The following PCDH15 variants were observed in gnomAD, a reference collection of about 807,000 sequenced individuals.
PCDH15 encodes the protein protocadherin-15.
PCDH15 carries 129 observed loss-of-function variants against 178.5 expected under a neutral mutation model. The ratio of observed to expected loss-of-function variants is 0.72; its 90% confidence interval spans 0.63 to 0.84. The LOEUF is 0.84. Among genes scored for constraint, PCDH15 ranks in the 40% least tolerant of loss-of-function variants. The probability of loss-of-function intolerance (pLI) is 0.00; values close to 1 mark genes in which losing one functional copy is unlikely to be tolerated. For synonymous variants in PCDH15, 800 were observed against 732.0 expected (o/e 1.09, Z -1.50); for missense variants, 2,230 against 2,099.9 (o/e 1.06, Z -1.21).
chr10:55,179,703 T>C (rs574827204), intron 1 of PCDH15, among the ~76,000 whole-genome samples: 2 of 152,058 alleles, frequency 1.3e-5, no homozygotes, highest in Admixed American at 1.3e-4. Flanking sequence ...CCTATTCCTC[T>C]TGGTTGTGGG....
intron 2 of PCDH15, among the ~76,000 whole-genome samples, chr10:54,610,919 T>C (rs2092939852): frequency 1.3e-5 from 2 of 151,852 alleles, no homozygotes; most frequent in South Asian, 4.1e-4. Flanking sequence ...CATATTTTTA[T>C]TTTCTTTTGT....
At chr10:54,644,920 A>G (rs117734641) in intron 2 of PCDH15, among the ~76,000 whole-genome samples, 2,008 of 152,220 alleles carry the variant, frequency 0.013, 20 homozygotes, top group East Asian at 0.045. Context: ...TCTTCTCCAA[A>G]GGATGCGGCA....
At chr10:54,250,418 G>C (rs949550750) in intron 8 of PCDH15, among the ~76,000 whole-genome samples, 1 of 151,394 alleles carries the variant, frequency 6.6e-6, no homozygotes, top group African/African-American at 2.4e-5. Flanking sequence ...GAGTAGCTGG[G>C]ACTACAGGCA....
intron 18 of PCDH15, among the ~76,000 whole-genome samples, chr10:54,036,534 A>G (rs2093420869): frequency 6.6e-6 from 1 of 151,946 alleles, no homozygotes; most frequent in East Asian, 1.9e-4. Context: ...TGTTTACAGC[A>G]TAGTTTAGCA....
chr10:54,973,932 A>G (rs749626755), intron 2 of PCDH15, among the ~76,000 whole-genome samples: 11 of 152,154 alleles, frequency 7.2e-5, no homozygotes, highest in Non-Finnish European at 1.5e-4. Flanking sequence ...CCAAATGTAG[A>G]TAAGTATACT....
At chr10:54,965,241 C>A (rs1178305513) in intron 2 of PCDH15, among the ~76,000 whole-genome samples, 1 of 152,008 alleles carries the variant, frequency 6.6e-6, no homozygotes, top group Non-Finnish European at 1.5e-5. Flanking sequence ...TTGGTTGTGG[C>A]CCCACCCAAA....
chr10:54,920,100 C>T (rs949204628), intron 2 of PCDH15, among the ~76,000 whole-genome samples: 2 of 152,062 alleles, frequency 1.3e-5, no homozygotes, highest in Non-Finnish European at 2.9e-5. Flanking sequence ...TTTACGTATC[C>T]ATACTTTTTA....
chr10:54,631,113 AG>A (rs1251021533), intron 2 of PCDH15, among the ~76,000 whole-genome samples: 1 of 152,124 alleles, frequency 6.6e-6, no homozygotes, highest in Admixed American at 6.6e-5. Flanking sequence ...TGGGTTATGG[AG>A]GCTGATTCCT....
At chr10:54,179,954 C>T (rs938427965) in intron 13 of PCDH15, among the ~76,000 whole-genome samples, 2 of 152,148 alleles carry the variant, frequency 1.3e-5, no homozygotes, top group African/African-American at 4.8e-5. Flanking sequence ...GAGTAATTGT[C>T]TTTTCAAGAA....
chr10:54,591,639 A>G (rs1367693454), intron 2 of PCDH15, among the ~76,000 whole-genome samples: 6 of 152,228 alleles, frequency 3.9e-5, no homozygotes, highest in African/African-American at 1.4e-4. Context: ...TAATACAGCT[A>G]GAAAACAATT....
intron 14 of PCDH15, among the ~76,000 whole-genome samples, chr10:54,138,863 T>C (rs2043122511): frequency 6.6e-6 from 1 of 152,186 alleles, no homozygotes. Flanking sequence ...TTTATGTGTG[T>C]TTATATGCGT....
intron 25 of PCDH15, among the ~76,000 whole-genome samples, chr10:53,915,571 C>CT (rs1290469197): frequency 2.0e-5 from 3 of 151,780 alleles, no homozygotes; most frequent in South Asian, 2.1e-4. Context: ...TTCATATTTC[C>CT]TTTTTTTTGA....
At chr10:55,426,896 G>A (rs978213362) in intron 2 of PCDH15, among the ~76,000 whole-genome samples, 2 of 152,208 alleles carry the variant, frequency 1.3e-5, no homozygotes, top group Admixed American at 6.5e-5. Flanking sequence ...TCTCTCCAAT[G>A]TCATCCAACC....
intron 3 of PCDH15, among the ~76,000 whole-genome samples, chr10:54,408,598 A>C (rs566284388): frequency 6.6e-6 from 1 of 152,270 alleles, no homozygotes; most frequent in Admixed American, 6.5e-5. Flanking sequence ...CTTACACAAA[A>C]CTTATTCCAA....
At chr10:54,888,789 C>CTTT (rs59914980) in intron 3 of PCDH15, among the ~76,000 whole-genome samples, 2 of 110,170 alleles carry the variant, frequency 1.8e-5, no homozygotes, top group South Asian at 6.1e-4. Context: ...TTCATTTTTT[C>CTTT]TTTTTTTTTT....
intron 2 of PCDH15, among the ~76,000 whole-genome samples, chr10:55,505,594 T>A (rs1457503082): frequency 3.3e-5 from 5 of 151,388 alleles, no homozygotes; most frequent in African/African-American, 4.8e-5. Context: ...GTCTGTCATC[T>A]AAGTTAGACC....
chr10:55,220,533 G>T (rs1344600113), intron 1 of PCDH15, among the ~76,000 whole-genome samples: 1 of 152,024 alleles, frequency 6.6e-6, no homozygotes, highest in Non-Finnish European at 1.5e-5. Context: ...AGGTGGTATA[G>T]CCTACTATAT....
intron 1 of PCDH15, among the ~76,000 whole-genome samples, chr10:55,316,161 A>G (rs1843717221): frequency 6.6e-6 from 1 of 152,200 alleles, no homozygotes; most frequent in South Asian, 2.1e-4. Flanking sequence ...TTATTTAAGA[A>G]GTTGAGTACC....
intron 3 of PCDH15, among the ~76,000 whole-genome samples, chr10:54,483,003 G>A (rs906483276): frequency 1.1e-4 from 17 of 151,928 alleles, no homozygotes; most frequent in African/African-American, 3.6e-4. Context: ...ACATGGCAGA[G>A]ATTCAAAGTA....
Sources: gnomAD v4.1 joint callset for allele counts (sites outside exome capture counted in the v4.1 genomes callset) on GRCh38, gnomAD v4.1.1 for gene constraint, MANE v1.5 for transcripts, NCBI Gene and HGNC (gene_info 2026-07-23, HGNC 2026-07-21) for gene names.